The following CACNA2D3 variants were observed in gnomAD, a reference collection of about 807,000 sequenced individuals.
CACNA2D3 encodes voltage-dependent calcium channel subunit alpha-2/delta-3.
Under a neutral mutation model 160.6 loss-of-function variants are expected in CACNA2D3, and 60 were observed. That is an observed-to-expected ratio of 0.37 (90% CI 0.30 to 0.46). The LOEUF is 0.46. Among genes scored for constraint, CACNA2D3 ranks in the 20% least tolerant of loss-of-function variants. CACNA2D3 has a pLI of 1.00. For missense variants in CACNA2D3, 1,205 were observed against 1,365.0 expected (o/e 0.88, Z 1.85); for synonymous variants, 558 against 492.9 (o/e 1.13, Z -1.75).
chr3:54,282,618 G>A (rs1400643408), intron 2 of CACNA2D3, among the ~76,000 whole-genome samples: 2 of 152,184 alleles, frequency 1.3e-5, no homozygotes, highest in Non-Finnish European at 2.9e-5. Flanking sequence ...TGATGTTACT[G>A]TCCTTGTGAT....
At chr3:54,401,105 T>A (rs1246445459) in intron 4 of CACNA2D3, among the ~76,000 whole-genome samples, 1 of 151,574 alleles carries the variant, frequency 6.6e-6, no homozygotes, top group Non-Finnish European at 1.5e-5. Flanking sequence ...AAATAAAAAC[T>A]ATAATAGAAA....
At chr3:54,653,313 G>T (rs998726059) in intron 11 of CACNA2D3, among the ~76,000 whole-genome samples, 2 of 152,010 alleles carry the variant, frequency 1.3e-5, no homozygotes, top group African/African-American at 2.4e-5. Context: ...TCATTCCAGG[G>T]GTCTCTTGGG....
At chr3:54,778,015 A>G (rs568016791) in intron 13 of CACNA2D3, among the ~76,000 whole-genome samples, 11 of 152,202 alleles carry the variant, frequency 7.2e-5, no homozygotes, top group East Asian at 1.9e-4. Context: ...AAAACCCTCC[A>G]GGGGAGCCTA....
At chr3:54,874,194 TAAAAG>T (rs929879075) in intron 18 of CACNA2D3, among the ~76,000 whole-genome samples, 1 of 152,072 alleles carries the variant, frequency 6.6e-6, no homozygotes, top group South Asian at 2.1e-4. Flanking sequence ...TGGCTAAAAT[TAAAAG>T]AAAAAAAGAC....
At chr3:54,869,329 A>G (rs1314245468) in intron 17 of CACNA2D3, among the ~76,000 whole-genome samples, 1 of 152,226 alleles carries the variant, frequency 6.6e-6, no homozygotes. Context: ...TGTTTTCCCA[A>G]ATGCATTATG....
At chr3:54,794,691 G>C (rs542253571) in intron 13 of CACNA2D3, among the ~76,000 whole-genome samples, 2 of 150,896 alleles carry the variant, frequency 1.3e-5, no homozygotes, top group East Asian at 3.9e-4. Flanking sequence ...CTAGTTTACA[G>C]TTGTTTTCTT....
intron 27 of CACNA2D3, among the ~76,000 whole-genome samples, chr3:54,934,625 G>A (rs746272848): frequency 3.3e-5 from 5 of 152,136 alleles, no homozygotes; most frequent in East Asian, 1.9e-4. Context: ...CAGCATCCAC[G>A]TGTCCACAGA....
intron 31 of CACNA2D3, among the ~76,000 whole-genome samples, chr3:54,995,438 C>A (rs1413074716): frequency 6.6e-6 from 1 of 152,130 alleles, no homozygotes; most frequent in African/African-American, 2.4e-5. Context: ...TTGGGACCCT[C>A]ACGTTACAGA....
Position 54,709,351 on chromosome 3 carries a change from CCT to C in CACNA2D3, c.1168-43235_1168-43234del, listed in dbSNP as rs200280530. Among the ~76,000 whole-genome samples the C allele has an allele frequency of 4.6e-3, 472 of 103,618 alleles. 6 individuals carry two copies. Among genetic ancestry groups the C allele is most frequent in the African/African-American group, 0.013 (373 of 28,904 alleles). 68.0% of individuals were successfully genotyped at this position (103,618 alleles called of 152,430 possible). The stretch of plus-strand genomic sequence containing the variant: ...ACTCCAGCTGCAGACTGCTTAAAGT[CCT>C]CTCTCTCTCTCTTTTTTTTTTTCTT... On this transcript the variant is annotated intron_variant, in intron 11 of 37. Coordinates refer to ENST00000474759, the MANE Select transcript of CACNA2D3 (RefSeq NM_018398.3).
At chr3:54,824,389 G>A (rs1703705028) in intron 14 of CACNA2D3, among the ~76,000 whole-genome samples, 1 of 152,168 alleles carries the variant, frequency 6.6e-6, no homozygotes, top group African/African-American at 2.4e-5. Flanking sequence ...CCTCTGGTTG[G>A]GGGAAGGACT....
intron 35 of CACNA2D3, among the ~76,000 whole-genome samples, chr3:55,045,932 G>C (rs1704069113): frequency 6.6e-6 from 1 of 151,472 alleles, no homozygotes; most frequent in Non-Finnish European, 1.5e-5. Flanking sequence ...TCCTTGCTTT[G>C]AATTTTACTC....
intron 5 of CACNA2D3, among the ~76,000 whole-genome samples, chr3:54,561,122 G>A (rs949222204): frequency 3.9e-5 from 6 of 152,158 alleles, no homozygotes; most frequent in East Asian, 1.9e-4. Context: ...GAATCTCAAC[G>A]GTAATTTATT....
chr3:54,762,214 A>G (rs1342571069), intron 12 of CACNA2D3, among the ~76,000 whole-genome samples: 1 of 152,152 alleles, frequency 6.6e-6, no homozygotes, highest in Non-Finnish European at 1.5e-5. Context: ...ATCTTATGTC[A>G]TCTTAACTCT....
At position 54,321,933 on chromosome 3, in the gene CACNA2D3, A is replaced by C. The variant is rs962953679; in HGVS notation, c.321+1375A>C. ...TTCTGAAATCCTTGCAAAAAAAAAA[A>C]AAAAAAAAACTAGTAACAGCATTGT... On this transcript the variant is annotated intron_variant, in intron 3 of 37. Coordinates refer to ENST00000474759, the MANE Select transcript of CACNA2D3 (RefSeq NM_018398.3). Among the ~76,000 whole-genome samples, 12 of 152,048 alleles carry C rather than the reference A, an allele frequency of 7.9e-5. 1 individual carries two copies. Among genetic ancestry groups the C allele is most frequent in the South Asian group, 4.2e-4 (2 of 4,816 alleles).
intron 27 of CACNA2D3, among the ~76,000 whole-genome samples, chr3:54,957,199 C>T (rs185856236): frequency 2.6e-4 from 39 of 151,826 alleles, no homozygotes; most frequent in Non-Finnish European, 4.3e-4. Flanking sequence ...GGTTTCTGTC[C>T]CCCAGGCTGG....
intron 27 of CACNA2D3, chr3:54,925,105 C>G (rs1228502056): frequency 8.1e-6 from 13 of 1,613,844 alleles, no homozygotes; most frequent in Non-Finnish European, 1.1e-5. Context: ...TCGGCCAGAC[C>G]CTGCTGGCTG....
chr3:54,335,793 C>T (rs960256643), intron 3 of CACNA2D3, among the ~76,000 whole-genome samples: 1 of 151,844 alleles, frequency 6.6e-6, no homozygotes, highest in African/African-American at 2.4e-5. Flanking sequence ...ATCATGAGGT[C>T]AGGAGATCTA....
intron 11 of CACNA2D3, among the ~76,000 whole-genome samples, chr3:54,646,126 T>TTTCTTC (rs1699632167): frequency 5.0e-5 from 3 of 60,204 alleles, no homozygotes; most frequent in Admixed American, 1.8e-4. Flanking sequence ...TTCCTTCCTT[T>TTTCTTC]CTTCCTTCCT....
intron 27 of CACNA2D3, among the ~76,000 whole-genome samples, chr3:54,931,196 C>T (rs1044095104): frequency 3.9e-5 from 6 of 152,180 alleles, no homozygotes; most frequent in African/African-American, 9.6e-5. Context: ...CACGAATGCC[C>T]AGGAAACTCC....
Sources: gnomAD v4.1 joint callset for allele counts (sites outside exome capture counted in the v4.1 genomes callset) on GRCh38, gnomAD v4.1.1 for gene constraint, MANE v1.5 for transcripts, NCBI Gene and HGNC (gene_info 2026-07-23, HGNC 2026-07-21) for gene names.